Variants in PACRG observed in about 807,000 individuals in gnomAD.
The protein encoded by PACRG is parkin coregulated gene protein.
In PACRG, 29 loss-of-function variants were observed where a neutral mutation model predicts 29.7. The observed-to-expected ratio is 0.98, with a 90% confidence interval of 0.73 to 1.33. The LOEUF (loss-of-function observed/expected upper bound fraction) is 1.33, where lower values mean the gene tolerates loss of function less well. Ranked by LOEUF, PACRG falls within the 40% of genes most tolerant of loss-of-function variation. The probability of loss-of-function intolerance (pLI) is 0.00; values close to 1 mark genes in which losing one functional copy is unlikely to be tolerated. For missense variants in PACRG, 279 were observed against 316.2 expected (o/e 0.88, Z 0.89); for synonymous variants, 116 against 118.7 (o/e 0.98, Z 0.15).
chr6:162,913,350 G>A (rs780948721), intron 2 of PACRG, among the ~76,000 whole-genome samples: 6 of 152,118 alleles, frequency 3.9e-5, no homozygotes, highest in African/African-American at 7.2e-5. Context: ...GTTACTAAGC[G>A]TATGCCTTTG....
At chr6:163,037,050 G>A (rs896844247) in intron 2 of PACRG, among the ~76,000 whole-genome samples, 6 of 152,198 alleles carry the variant, frequency 3.9e-5, no homozygotes, top group African/African-American at 1.4e-4. Context: ...GTGTGTACAT[G>A]TGCCTATATG....
chr6:162,778,322 G>T (rs1783812986), intron 1 of PACRG, among the ~76,000 whole-genome samples: 2 of 152,068 alleles, frequency 1.3e-5, no homozygotes, highest in African/African-American at 2.4e-5. Context: ...ACAAGATCTG[G>T]GAATTTGATT....
At chr6:163,208,586 G>A (rs1020947463) in intron 4 of PACRG, among the ~76,000 whole-genome samples, 4 of 152,264 alleles carry the variant, frequency 2.6e-5, no homozygotes, top group Middle Eastern at 3.4e-3. Context: ...CTAAGCACAC[G>A]TTTGGATTTC....
At chr6:163,232,888 G>T (rs757792047) in intron 4 of PACRG, among the ~76,000 whole-genome samples, 4 of 151,982 alleles carry the variant, frequency 2.6e-5, no homozygotes, top group Non-Finnish European at 5.9e-5. Flanking sequence ...TCCTCCAGGA[G>T]CCTCCACCCC....
chr6:163,209,613 G>A (rs1354808870), intron 4 of PACRG, among the ~76,000 whole-genome samples: 1 of 152,118 alleles, frequency 6.6e-6, no homozygotes, highest in African/African-American at 2.4e-5. Flanking sequence ...GGAATATTAT[G>A]ACATTACTGA....
intron 4 of PACRG, chr6:163,179,155 G>T (rs1779525471): frequency 4.4e-6 from 2 of 455,240 alleles, no homozygotes; most frequent in African/African-American, 2.0e-5. Context: ...ATAGTGGAAA[G>T]CTTTGTAGCT....
chr6:163,007,485 T>A (rs140454255), intron 2 of PACRG, among the ~76,000 whole-genome samples: 257 of 152,228 alleles, frequency 1.7e-3, no homozygotes, highest in African/African-American at 5.9e-3. Context: ...ATGTATGAAA[T>A]GTCTTTATTT....
chr6:163,209,116 T>A (rs1781030941), intron 4 of PACRG, among the ~76,000 whole-genome samples: 1 of 152,208 alleles, frequency 6.6e-6, no homozygotes, highest in Non-Finnish European at 1.5e-5. Context: ...TCTGACACCT[T>A]TCCCAGTTGA....
At chr6:162,820,622 TA>T (rs1219592524) in intron 2 of PACRG, among the ~76,000 whole-genome samples, 1 of 149,350 alleles carries the variant, frequency 6.7e-6, no homozygotes, top group Non-Finnish European at 1.5e-5. Context: ...TTCAATTTCT[TA>T]ATGTTTCAAT....
At chr6:163,311,794 TA>T (rs1231082067) in intron 4 of PACRG, among the ~76,000 whole-genome samples, 1 of 146,070 alleles carries the variant, frequency 6.8e-6, no homozygotes, top group Non-Finnish European at 1.5e-5. Context: ...CTACATAGTT[TA>T]CTTACTCCTA....
intron 2 of PACRG, among the ~76,000 whole-genome samples, chr6:162,844,896 A>G (rs1015772934): frequency 6.6e-5 from 10 of 152,168 alleles, no homozygotes; most frequent in Non-Finnish European, 1.5e-4. Context: ...GAAGTCCACT[A>G]TGCTTTTATT....
chr6:163,190,744 G>A, intron 4 of PACRG: 1 of 261,982 alleles, frequency 3.8e-6, no homozygotes. Context: ...AAAAGTGTAG[G>A]GCTCTTTCTC....
intron 4 of PACRG, among the ~76,000 whole-genome samples, chr6:163,240,877 C>T (rs780468483): frequency 3.9e-5 from 6 of 152,208 alleles, no homozygotes; most frequent in Non-Finnish European, 5.9e-5. Flanking sequence ...CTTCCCTCCT[C>T]GCCCGTAGCA....
intron 4 of PACRG, among the ~76,000 whole-genome samples, chr6:163,118,317 CTGAG>C (rs1816111471): frequency 6.6e-6 from 1 of 152,220 alleles, no homozygotes; most frequent in African/African-American, 2.4e-5. Context: ...AATTCACCTC[CTGAG>C]TGATAGTGGC....
At chr6:163,137,612 G>A (rs542012391) in intron 4 of PACRG, among the ~76,000 whole-genome samples, 2 of 152,086 alleles carry the variant, frequency 1.3e-5, no homozygotes, top group South Asian at 2.1e-4. Context: ...CTAATACCCC[G>A]TGCTCCAAAT....
At chr6:162,780,135 C>G (rs1382199415) in intron 1 of PACRG, among the ~76,000 whole-genome samples, 1 of 152,110 alleles carries the variant, frequency 6.6e-6, no homozygotes, top group African/African-American at 2.4e-5. Context: ...AAAGAAGCAC[C>G]TAAAATAGTA....
intron 4 of PACRG, among the ~76,000 whole-genome samples, chr6:163,141,344 A>G (rs1817143124): frequency 6.6e-6 from 1 of 152,212 alleles, no homozygotes; most frequent in African/African-American, 2.4e-5. Flanking sequence ...AAGAAGAACA[A>G]ACCCACAGCT....
rs565797786 is a variant in PACRG, at chr6:163,275,063, G to A, written c.614-39764G>A. Among the ~76,000 whole-genome samples, 22 of 151,630 alleles carry A rather than the reference G, an allele frequency of 1.5e-4. No individual in the cohort carries two copies. In the South Asian group the frequency reaches 3.3e-3, roughly 23 times the overall value. Reference sequence around the variant, plus strand: ...TTTGTTTTGTCTTTTTAATAGAGACGGGGTTTCACCATTTTGGTCAGGCTG... The same window carrying A: ...TTTGTTTTGTCTTTTTAATAGAGACAGGGTTTCACCATTTTGGTCAGGCTG... On this transcript the variant is annotated intron_variant, in intron 4 of 4. Transcript: ENST00000366888.
chr6:163,216,646 G>T (rs572886049), intron 4 of PACRG, among the ~76,000 whole-genome samples: 4 of 152,104 alleles, frequency 2.6e-5, no homozygotes, highest in Non-Finnish European at 2.9e-5. Flanking sequence ...ACCCTTCAGC[G>T]CACCCAGCCC....
Sources: gnomAD v4.1 joint callset for allele counts (sites outside exome capture counted in the v4.1 genomes callset) on GRCh38, gnomAD v4.1.1 for gene constraint, MANE v1.5 for transcripts, NCBI Gene and HGNC (gene_info 2026-07-23, HGNC 2026-07-21) for gene names.